The following CHST15 variants were observed in gnomAD, a reference collection of about 807,000 sequenced individuals.
CHST15 encodes B cell RAG associated protein (GALNAC4S-6ST).
CHST15 carries 30 observed loss-of-function variants against 53.6 expected under a neutral mutation model. The observed-to-expected ratio is 0.56, with a 90% CI of 0.42 to 0.76. CHST15 has a LOEUF of 0.76. Among genes scored for constraint, CHST15 ranks in the 30% least tolerant of loss-of-function variants. CHST15 has a pLI of 0.00. For synonymous variants in CHST15, 296 were observed against 289.8 expected (o/e 1.02, Z -0.22); for missense variants, 627 against 740.5 (o/e 0.85, Z 1.78).
chr10:124,021,245 G>A lies in CHST15; in HGVS notation c.1347+11C>T, dbSNP rs748939209. On this transcript the variant is annotated intron_variant, in intron 6 of 7. Transcript: ENST00000435907. ...GCCAGCTCGGGGGGTACGGGGGGGG[G>A]GGGTACACACAGGCATGGCGTTGTT... 9 of 1,568,868 alleles carry A rather than the reference G, an allele frequency of 5.7e-6. No homozygotes were observed. Among genetic ancestry groups the A allele is most frequent in the East Asian group, 2.3e-5 (1 of 43,642 alleles).
intron 1 of CHST15, among the ~76,000 whole-genome samples, chr10:124,090,547 G>C (rs533832331): frequency 1.3e-5 from 2 of 152,212 alleles, no homozygotes; most frequent in Admixed American, 6.5e-5. Context: ...AGTAGAATCC[G>C]CTTCCCACGT....
intron 5 of CHST15, 57 bp downstream of exon 5, chr10:124,038,458 A>G (rs372446791): frequency 1.3e-6 from 2 of 1,579,732 alleles, no homozygotes; most frequent in Non-Finnish European, 1.7e-6. Flanking sequence ...AGAGGGGAAC[A>G]CTGTTCTTCA....
chr10:124,062,979 G>A (rs1948633021), intron 1 of CHST15, among the ~76,000 whole-genome samples: 1 of 152,212 alleles, frequency 6.6e-6, no homozygotes, highest in East Asian at 1.9e-4. Context: ...CTGCTTTGGA[G>A]AGGCTGGGAG....
At chr10:124,045,112 CAAAAAAAAAAAAAA>C (rs758243657) in intron 2 of CHST15, among the ~76,000 whole-genome samples, 193 bp from the exon 3 acceptor site, 942 of 33,792 alleles carry the variant, frequency 0.028, 19 homozygotes, top group African/African-American at 0.064. Context: ...CGCCGCCCCA[CAAAAAAAAAAAAAA>C]AAAAAAAAAA....
At chr10:124,049,416 G>A (rs1300211406) in intron 1 of CHST15, among the ~76,000 whole-genome samples, 1 of 152,202 alleles carries the variant, frequency 6.6e-6, no homozygotes, top group Non-Finnish European at 1.5e-5. Context: ...CCAGGATGGA[G>A]GCTGGTCACC....
chr10:124,081,379 TGCACACACACAC>T (rs1322398202), intron 1 of CHST15, among the ~76,000 whole-genome samples: 9 of 147,366 alleles, frequency 6.1e-5, no homozygotes, highest in Admixed American at 1.4e-4. Flanking sequence ...CATGCACGCA[TGCACACACACAC>T]GCGTGCACAC....
intron 1 of CHST15, among the ~76,000 whole-genome samples, chr10:124,080,112 C>A (rs927876387): frequency 1.3e-5 from 2 of 152,186 alleles, no homozygotes; most frequent in Non-Finnish European, 2.9e-5. Context: ...AACTCTGCAG[C>A]AGCTGCAGGC....
intron 5 of CHST15, among the ~76,000 whole-genome samples, chr10:124,026,508 A>G (rs1456541760): frequency 6.6e-6 from 1 of 152,250 alleles, no homozygotes; most frequent in Non-Finnish European, 1.5e-5. Flanking sequence ...GATGAAACGT[A>G]CAGAAACAAA....
rs1337191771 is a variant in CHST15, at chr10:124,045,917, G to A, written c.296C>T (p.Ser99Phe). The change falls in exon 2 of 8, where the codon TCT becomes TTT. Residue 99 changes from serine to phenylalanine, a missense_variant. Physicochemically the swap from Ser to Phe is radical, Grantham distance 155. This residue lies in a region of CHST15 where 187 missense variants were observed against 251.8 expected (regional missense o/e 0.74). Coordinates refer to ENST00000435907, the MANE Select transcript of CHST15 (RefSeq NM_001270764.2). ...MTLVMASYIL[S>F]GAHQELLISS... ...GATCAGAAGCTCTTGGTGGGCCCCAGAAAGGATGTAAGAAGCCATTACCAA... is the reference window on the plus strand; with the variant it reads ...GATCAGAAGCTCTTGGTGGGCCCCAAAAAGGATGTAAGAAGCCATTACCAA... The A allele has an allele frequency of 1.2e-6, 2 of 1,613,936 alleles. No homozygotes were observed. The highest frequency in any genetic ancestry group is 1.7e-6 in the Non-Finnish European group (2 of 1,179,960).
At chr10:124,068,081 C>G (rs949298312) in intron 1 of CHST15, among the ~76,000 whole-genome samples, 9 of 152,174 alleles carry the variant, frequency 5.9e-5, no homozygotes, top group Admixed American at 5.2e-4. Flanking sequence ...ATAACTGAAG[C>G]AAAAAATGAG....
chr10:124,081,378 ATGCACACACACACGCG>A lies in CHST15; in HGVS notation c.-513+12075_-513+12090del, dbSNP rs569036425. Among the ~76,000 whole-genome samples, 6 of 72,768 alleles carry A rather than the reference ATGCACACACACACGCG, an allele frequency of 8.2e-5. No homozygotes were observed. The South Asian group carries it at 1.8e-3, about 22-fold the overall frequency. The allele number at this position is 72,768 out of a possible 152,430, so 47.7% of individuals were successfully genotyped here. A position where few individuals can be genotyped will look rare whatever the true frequency, so the allele number is the denominator to read the frequency against. On this transcript the variant is annotated intron_variant, in intron 1 of 7. Coordinates refer to ENST00000435907, the MANE Select transcript of CHST15 (RefSeq NM_001270764.2). The stretch of plus-strand genomic sequence containing the variant: ...TGCACGCATGCACACACATGCACGC[ATGCACACACACACGCG>A]TGCACACACACACAAATGCCCAGCA...
intron 1 of CHST15, among the ~76,000 whole-genome samples, chr10:124,052,452 A>G (rs1023115692): frequency 6.6e-6 from 1 of 152,204 alleles, no homozygotes; most frequent in Non-Finnish European, 1.5e-5. Context: ...CAGCAGTCAC[A>G]TGGATTAGGA....
chr10:124,091,759 C>A (rs117623050), intron 1 of CHST15, among the ~76,000 whole-genome samples: 1,890 of 151,990 alleles, frequency 0.012, 48 homozygotes, highest in East Asian at 0.083. Flanking sequence ...CGAAGAAGGG[C>A]CCCCGCCCCC....
At chr10:124,064,731 C>T (rs1757517917) in intron 1 of CHST15, among the ~76,000 whole-genome samples, 1 of 151,810 alleles carries the variant, frequency 6.6e-6, no homozygotes, top group South Asian at 2.1e-4. Flanking sequence ...CCTCTCCCAG[C>T]CTCCTTAGCC....
rs539605257 is a variant in CHST15 at position 124,024,553 on chromosome 10, T to C, written c.1191-3141A>G. On this transcript the variant is annotated intron_variant, in intron 5 of 7. Transcript: ENST00000435907. This position sits in a 1 kb window ranked among gnomAD's most constrained non-coding sequence, Gnocchi z 4.0. The stretch of plus-strand genomic sequence containing the variant: ...AGGGGCTCGGTGGCCACTGAGTAGA[T>C]TTCCCCAGATCCACACTCGCCTGAG... Among the ~76,000 whole-genome samples, 71 of 151,248 alleles carry C rather than the reference T, an allele frequency of 4.7e-4. No homozygotes were observed. Among genetic ancestry groups the C allele is most frequent in the Non-Finnish European group, 9.0e-4 (61 of 67,710 alleles).
chr10:124,011,124 A>G (rs1946406183), intron 7 of CHST15: 2 of 963,410 alleles, frequency 2.1e-6, no homozygotes, highest in South Asian at 4.8e-5. Context: ...AGGCCCTGAA[A>G]CAGAACAGCA....
intron 1 of CHST15, among the ~76,000 whole-genome samples, chr10:124,087,201 G>A (rs113322115): frequency 4.6e-5 from 7 of 152,248 alleles, no homozygotes; most frequent in African/African-American, 1.4e-4. Context: ...AAGGTGCCAC[G>A]GGCCCAGTCC....
At chr10:124,064,934 C>G (rs4929821) in intron 1 of CHST15, among the ~76,000 whole-genome samples, 1 of 151,948 alleles carries the variant, frequency 6.6e-6, no homozygotes, top group African/African-American at 2.4e-5. Flanking sequence ...GCTGACAGTC[C>G]TATCAGCTCT....
At position 124,074,928 on chromosome 10, in the gene CHST15, G is replaced by A. The variant is rs1329159204; in HGVS notation, c.-513+18541C>T. Among the ~76,000 whole-genome samples the A allele has an allele frequency of 1.3e-5, 2 of 152,256 alleles. No homozygotes were observed. The highest frequency in any genetic ancestry group is 4.8e-5 in the African/African-American group (2 of 41,556). The stretch of plus-strand genomic sequence containing the variant: ...AGACAGACAGGCTCCCAGCCCCCGC[G>A]GAGTTAATGATGTTTTGCAGGGAGG... On this transcript the variant is annotated intron_variant, in intron 1 of 7. Transcript: ENST00000435907. The surrounding 1 kb of genome is among the most constrained non-coding windows in gnomAD (Gnocchi z 4.4).
Sources: allele counts gnomAD v4.1 joint callset (sites outside exome capture counted in the v4.1 genomes callset), GRCh38; gene constraint gnomAD v4.1.1; regional missense constraint gnomAD v4.1.1; non-coding constraint Gnocchi (gnomAD v3.1); transcripts MANE v1.5; gene names NCBI Gene and HGNC (gene_info 2026-07-23, HGNC 2026-07-21).